Variants in ZFP64 observed in about 807,000 individuals in gnomAD.
The protein encoded by ZFP64 is zinc finger protein 64.
In ZFP64, 14 loss-of-function variants were observed where a neutral mutation model predicts 51.6. The observed-to-expected ratio is 0.27, with a 90% CI of 0.18 to 0.42. ZFP64 has a LOEUF of 0.42. Ranked by LOEUF, ZFP64 falls within the 10% of genes least tolerant of loss-of-function variation. The probability of loss-of-function intolerance (pLI) is 1.00; values close to 1 mark genes in which losing one functional copy is unlikely to be tolerated. For missense variants in ZFP64, 754 were observed against 906.8 expected (o/e 0.83, Z 2.16); for synonymous variants, 375 against 361.4 (o/e 1.04, Z -0.43).
intron 1 of ZFP64, among the ~76,000 whole-genome samples, chr20:52,190,362 C>T (rs924447160): frequency 6.6e-6 from 1 of 152,116 alleles, no homozygotes; most frequent in South Asian, 2.1e-4. Context: ...ACGACATAGA[C>T]CTTCGTTAGA....
intron 2 of ZFP64, among the ~76,000 whole-genome samples, chr20:52,181,857 C>A (rs1983636715): frequency 6.6e-6 from 1 of 152,114 alleles, no homozygotes; most frequent in African/African-American, 2.4e-5. Context: ...ACTTGAAGCA[C>A]AATAGGAGGA....
rs1238962803 is a variant in ZFP64, at chr20:52,191,555, C to T, written c.46+36G>A. 40 of 1,542,196 alleles carry T rather than the reference C, an allele frequency of 2.6e-5. No homozygotes were observed. The highest frequency in any genetic ancestry group is 3.5e-5 in the Non-Finnish European group (40 of 1,149,500). ...CCCGGGCCCCGGAGCGCGCACTGGG[C>T]CCCGGAGCGCGCACTGCTCCCGGAA... On this transcript the variant is annotated intron_variant, in intron 1 of 5. Transcript: ENST00000216923. The surrounding 1 kb of genome is among the most constrained non-coding windows in gnomAD (Gnocchi z 4.3).
At chr20:52,113,522 C>T (rs8120761) in intron 5 of ZFP64, among the ~76,000 whole-genome samples, 19 of 143,054 alleles carry the variant, frequency 1.3e-4, no homozygotes, top group East Asian at 6.3e-4. Context: ...TTGTCTCCTG[C>T]GTTCAATCGA....
rs1978466128 is a variant in ZFP64 at position 52,109,880 on chromosome 20, A to C, written c.764-11293T>G. Among the ~76,000 whole-genome samples, 8 of 152,298 alleles carry C rather than the reference A, an allele frequency of 5.3e-5. 1 individual carries two copies. The South Asian group carries it at 1.7e-3, about 32-fold the overall frequency. On this transcript the variant is annotated intron_variant, in intron 5 of 8. Coordinates refer to the ZFP64 transcript ENST00000361387. ...ACAACTTTTCATTGTTTTCAGCAAC[A>C]ATATCACATAACAAGGGAATCATGG...
chr20:52,084,858 T>TG lies in ZFP64; in HGVS notation c.1636dup (p.His546ProfsTer38). Reference sequence around the variant, plus strand: ...GTTCTCCGTCTTGGCCTCGTCCCTGTGCACCTTGTCGACGTGCTTGGCCAG... The same window carrying TG: ...GTTCTCCGTCTTGGCCTCGTCCCTGTGGCACCTTGTCGACGTGCTTGGCCAG... On this transcript the variant is annotated frameshift_variant, in exon 9 of 9. Coordinates refer to the ZFP64 transcript ENST00000361387. LOFTEE classifies it high-confidence loss of function. 1 of 1,614,002 alleles carries TG rather than the reference T, an allele frequency of 6.2e-7. No homozygotes were observed. Among genetic ancestry groups the TG allele is most frequent in the African/African-American group, 1.3e-5 (1 of 75,082 alleles).
intron 5 of ZFP64, among the ~76,000 whole-genome samples, chr20:52,114,798 ATGTT>A (rs762406883): frequency 6.6e-6 from 1 of 152,160 alleles, no homozygotes; most frequent in Non-Finnish European, 1.5e-5. Context: ...ATGTCCAAGA[ATGTT>A]TGTTGCAAGT....
intron 5 of ZFP64, among the ~76,000 whole-genome samples, chr20:52,111,565 A>C (rs544109810): frequency 2.0e-5 from 3 of 152,122 alleles, no homozygotes; most frequent in East Asian, 1.9e-4. Context: ...GTTCACACAG[A>C]AAGTTAATAA....
intron 1 of ZFP64, among the ~76,000 whole-genome samples, chr20:52,190,305 AT>A (rs1185208308): frequency 2.6e-5 from 4 of 152,228 alleles, no homozygotes. Context: ...GAATGAAAGG[AT>A]TTTCATAACA....
At chr20:52,098,977 G>A (rs113636705) in intron 5 of ZFP64, among the ~76,000 whole-genome samples, 22 of 142,740 alleles carry the variant, frequency 1.5e-4, no homozygotes, top group African/African-American at 5.8e-4. Flanking sequence ...ACTCCAGCCT[G>A]GGCAACAGAG....
chr20:52,152,608 G>A lies in ZFP64; in HGVS notation c.1584C>T (p.Ala528=). 6.5e-7 allele frequency: 1 copy of A among 1,539,608 alleles called. No individual in the cohort carries two copies. Among genetic ancestry groups the A allele is most frequent in the Non-Finnish European group, 8.7e-7 (1 of 1,147,880 alleles). The change falls in exon 6 of 6, where the codon GCC becomes GCT. Residue 528 remains alanine, a synonymous_variant. Transcript: ENST00000216923. The part of the protein sequence containing the change: ...AVNIVPPALV[A]QNPEELPGNS... Reference sequence around the variant, plus strand: ...TCCCTGGGAGTTCCTCTGGGTTCTGGGCCACCAAGGCAGGCGGGACGATGT... The same window carrying A: ...TCCCTGGGAGTTCCTCTGGGTTCTGAGCCACCAAGGCAGGCGGGACGATGT...
Position 52,085,403 on chromosome 20 carries a change from C to A in ZFP64, c.1229-137G>T. On this transcript the variant is annotated intron_variant, in intron 8 of 8. Coordinates refer to the ZFP64 transcript ENST00000361387. This position sits in a 1 kb window ranked among gnomAD's most constrained non-coding sequence, Gnocchi z 4.3. ...TAAACCCAACCTCCTAATGACAACA[C>A]TTGTTGTGCATATTAATGCAATCCT... 3 of 913,616 alleles carry A rather than the reference C, an allele frequency of 3.3e-6. No individual in the cohort carries two copies. The highest frequency in any genetic ancestry group is 4.9e-6 in the Non-Finnish European group (3 of 617,294). The allele number at this position is 913,616 out of a possible 1,614,324, so 56.6% of individuals were successfully genotyped here. A position where few individuals can be genotyped will look rare whatever the true frequency, so the allele number is the denominator to read the frequency against.
chr20:52,166,956 A>G (rs1982326890), intron 2 of ZFP64, among the ~76,000 whole-genome samples: 2 of 151,976 alleles, frequency 1.3e-5, no homozygotes, highest in South Asian at 2.1e-4. Context: ...CCCCCCCTCA[A>G]AAAATTCCTT....
chr20:52,172,037 G>A (rs990868625), intron 2 of ZFP64, among the ~76,000 whole-genome samples: 10 of 152,160 alleles, frequency 6.6e-5, no homozygotes, highest in African/African-American at 1.9e-4. Context: ...GTGAGCCACC[G>A]CGCCCGACCA....
At chr20:52,089,548 C>G (rs2078899917) in intron 7 of ZFP64, among the ~76,000 whole-genome samples, 1 of 151,892 alleles carries the variant, frequency 6.6e-6, no homozygotes, top group African/African-American at 2.4e-5. Flanking sequence ...TGAGACCAGA[C>G]TGGGCAACAT....
At chr20:52,176,505 C>CTTTTTTTTTTTTTTTTTTTTTT (rs557663780) in intron 2 of ZFP64, among the ~76,000 whole-genome samples, 1 of 136,722 alleles carries the variant, frequency 7.3e-6, no homozygotes, top group African/African-American at 2.8e-5. Flanking sequence ...TTCAATCTCT[C>CTTTTTTTTTTTTTTTTTTTTTT]TTTTTTTTTT....
At chr20:52,126,188 G>A (rs1261406354) in intron 5 of ZFP64, among the ~76,000 whole-genome samples, 4 of 152,114 alleles carry the variant, frequency 2.6e-5, no homozygotes, top group Non-Finnish European at 5.9e-5. Flanking sequence ...ATGAACCAGC[G>A]TGCCCGGCCC....
intron 5 of ZFP64, among the ~76,000 whole-genome samples, chr20:52,126,460 C>A (rs1979450382): frequency 6.6e-6 from 1 of 152,158 alleles, no homozygotes; most frequent in African/African-American, 2.4e-5. Context: ...CTTAAAAGGT[C>A]TTTGAATGAC....
At chr20:52,104,066 A>G (rs1203999131) in intron 5 of ZFP64, among the ~76,000 whole-genome samples, 3 of 152,212 alleles carry the variant, frequency 2.0e-5, no homozygotes, top group African/African-American at 7.2e-5. Flanking sequence ...GAGGAAGTCC[A>G]GTTACAACTC....
At position 52,151,663 on chromosome 20, in the gene ZFP64, A is replaced by G. The variant is rs1002687615; in HGVS notation, c.*483T>C. The G allele has an allele frequency of 6.1e-6, 6 of 991,000 alleles. No individual in the cohort carries two copies. In the African/African-American group the frequency reaches 8.7e-5, roughly 14 times the overall value. The allele number at this position is 991,000 out of a possible 1,614,324, so 61.4% of individuals were successfully genotyped here. On this transcript the variant is annotated 3_prime_UTR_variant, in exon 6 of 6. Coordinates refer to ENST00000216923, the MANE Select transcript of ZFP64 (RefSeq NM_018197.3). ...ATGCGACGATTCAGAGGTGGTCTCAAAGTTGTTACAGTGTTAAAAAAATTA... is the reference window on the plus strand; with the variant it reads ...ATGCGACGATTCAGAGGTGGTCTCAGAGTTGTTACAGTGTTAAAAAAATTA...
Sources: allele counts gnomAD v4.1 joint callset (sites outside exome capture counted in the v4.1 genomes callset), GRCh38; gene constraint gnomAD v4.1.1; non-coding constraint Gnocchi (gnomAD v3.1); transcripts MANE v1.5; gene names NCBI Gene and HGNC (gene_info 2026-07-23, HGNC 2026-07-21).